The following HSPA14 variants were observed in gnomAD, a reference collection of about 807,000 sequenced individuals.
HSPA14 encodes heat shock protein family A (Hsp70) member 14.
A neutral mutation model predicts 65.5 loss-of-function variants in HSPA14; 37 were observed. The ratio of observed to expected loss-of-function variants is 0.56; its 90% CI spans 0.43 to 0.74. The LOEUF (loss-of-function observed/expected upper bound fraction) is 0.74, where lower values mean the gene tolerates loss of function less well. Among genes scored for constraint, HSPA14 ranks in the 30% least tolerant of loss-of-function variants. HSPA14 has a pLI of 0.00. For missense variants in HSPA14, 564 were observed against 607.6 expected (o/e 0.93, Z 0.75); for synonymous variants, 203 against 214.2 (o/e 0.95, Z 0.46).
intron 8 of HSPA14, among the ~76,000 whole-genome samples, 165 bp from the exon 9 acceptor site, chr10:14,853,960 T>C (rs1042884239): frequency 2.6e-5 from 4 of 152,208 alleles, no homozygotes; most frequent in African/African-American, 7.2e-5. Context: ...CCTCAGGTGA[T>C]CTACCCATCT....
intron 12 of HSPA14, among the ~76,000 whole-genome samples, chr10:14,869,048 G>A (rs981291164): frequency 1.3e-5 from 2 of 151,840 alleles, no homozygotes; most frequent in Non-Finnish European, 2.9e-5. Context: ...GGGTTTCACC[G>A]TGTTAGCCAG....
rs529826741 is a variant in HSPA14 at position 14,852,641 on chromosome 10, T to G, written c.734+110T>G. The G allele has an allele frequency of 2.9e-5, 26 of 895,158 alleles. No individual in the cohort carries two copies. In the East Asian group the frequency reaches 6.7e-4, roughly 23 times the overall value. The allele number at this position is 895,158 out of a possible 1,614,324, so 55.5% of individuals were successfully genotyped here. ...TATCCTGCTGCAAAGGAGGATGTGGTTTTTTCATTGCTTGGAAACTGGATA... is the reference window on the plus strand; with the variant it reads ...TATCCTGCTGCAAAGGAGGATGTGGGTTTTTCATTGCTTGGAAACTGGATA... On this transcript the variant is annotated intron_variant, in intron 8 of 13. Transcript: ENST00000378372.
intron 3 of HSPA14, chr10:14,845,598 A>ATTTTT: frequency 1.4e-6 from 1 of 704,602 alleles, no homozygotes; most frequent in African/African-American, 2.0e-5. Context: ...TATTATTATT[A>ATTTTT]TTTTTTTTTT....
In HSPA14 at chr10:14,848,591, A is replaced by C; in HGVS notation, c.222-18A>C. ...CTGATTTTAATACTTAGCTATCTTT[A>C]TCTTTCTTTATGGACAGCTCCAGTG... On this transcript the variant is annotated intron_variant, in intron 3 of 13. Transcript: ENST00000378372. 1.3e-6 allele frequency: 2 copies of C among 1,593,440 alleles called. No homozygotes were observed. The highest frequency in any genetic ancestry group is 1.7e-6 in the Non-Finnish European group (2 of 1,163,596).
intron 10 of HSPA14, among the ~76,000 whole-genome samples, chr10:14,857,660 T>G (rs977997822): frequency 1.3e-5 from 2 of 152,234 alleles, no homozygotes; most frequent in Non-Finnish European, 2.9e-5. Context: ...TGCACAGCAG[T>G]CTTCCTTTGA....
intron 3 of HSPA14, chr10:14,845,690 T>G (rs1012272024): frequency 1.0e-4 from 25 of 242,016 alleles, no homozygotes; most frequent in Non-Finnish European, 1.7e-4. Context: ...GCCTCCCGAG[T>G]AGCCGGGATT....
At chr10:14,858,380 T>G (rs1832725313) in intron 10 of HSPA14, among the ~76,000 whole-genome samples, 1 of 152,206 alleles carries the variant, frequency 6.6e-6, no homozygotes, top group East Asian at 1.9e-4. Flanking sequence ...CTTCAGATGT[T>G]TCTAAGACAC....
intron 10 of HSPA14, 79 bp downstream of exon 10, chr10:14,856,022 A>G (rs2131642802): frequency 1.3e-6 from 1 of 784,946 alleles, no homozygotes; most frequent in Non-Finnish European, 2.2e-6. Context: ...TGGGTACTGA[A>G]AGAATATTTT....
chr10:14,863,694 T>C (rs1271167496), intron 10 of HSPA14, among the ~76,000 whole-genome samples: 1 of 152,146 alleles, frequency 6.6e-6, no homozygotes, highest in Non-Finnish European at 1.5e-5. Context: ...CACCCTCCTC[T>C]TCTTTTTTGC....
intron 9 of HSPA14, among the ~76,000 whole-genome samples, chr10:14,855,462 C>T (rs1564323658): frequency 6.6e-6 from 1 of 152,144 alleles, no homozygotes. Flanking sequence ...ATGGCAGAAA[C>T]TTTCAAATGA....
At chr10:14,846,751 G>A (rs1834060113) in intron 3 of HSPA14, 5 of 985,430 alleles carry the variant, frequency 5.1e-6, no homozygotes, top group Non-Finnish European at 6.0e-6. Flanking sequence ...ACAAGTAGGG[G>A]AAAGACTCTG....
rs1832820574 is a variant in HSPA14 at position 14,867,846 on chromosome 10, G to A, written c.1317G>A (p.Val439=). 2 of 1,614,030 alleles carry A rather than the reference G, an allele frequency of 1.2e-6. No homozygotes were observed. The highest frequency in any genetic ancestry group is 1.7e-5 in the Admixed American group (1 of 59,990). ...AAGCCCCTGGAAGCATATCTTCAGT[G>A]TGCCTTGAACTCTATGAGTCTGATG... ...TLQAPGSISS[V]CLELYESDGK... Residue 439 remains valine (V), a synonymous_variant, in exon 12 of 14, where the codon GTG becomes GTA. Coordinates refer to ENST00000378372, the MANE Select transcript of HSPA14 (RefSeq NM_016299.4).
intron 10 of HSPA14, among the ~76,000 whole-genome samples, chr10:14,859,653 C>T (rs1588816591): frequency 2.0e-5 from 3 of 152,154 alleles, no homozygotes; most frequent in Admixed American, 2.0e-4. Context: ...CTTCATAACA[C>T]CCCTTCTGTA....
At chr10:14,871,112 G>C (rs1191928359) in intron 13 of HSPA14, among the ~76,000 whole-genome samples, 2 of 152,150 alleles carry the variant, frequency 1.3e-5, no homozygotes, top group Non-Finnish European at 2.9e-5. Context: ...TGTATTACAA[G>C]TAAATCCTTT....
chr10:14,861,228 G>T (rs554424995), intron 10 of HSPA14, among the ~76,000 whole-genome samples: 1 of 152,282 alleles, frequency 6.6e-6, no homozygotes, highest in Admixed American at 6.5e-5. Flanking sequence ...AGGAAAATGG[G>T]GTGGTTGAGG....
chr10:14,854,351 CT>C (rs1004475907), intron 9 of HSPA14, 71 bp downstream of exon 9: 57 of 1,293,358 alleles, frequency 4.4e-5, no homozygotes, highest in Non-Finnish European at 5.5e-5. Context: ...AATTTTCTTA[CT>C]TTGGGTTTTT....
chr10:14,841,422 T>G (rs1297862225), intron 3 of HSPA14, among the ~76,000 whole-genome samples: 1 of 152,176 alleles, frequency 6.6e-6, no homozygotes, highest in East Asian at 1.9e-4. Flanking sequence ...GAATTGCAGT[T>G]TCCCATGCTG....
chr10:14,851,050 A>G (rs1327872041), intron 6 of HSPA14, 169 bp from the exon 7 acceptor site: 4 of 560,638 alleles, frequency 7.1e-6, no homozygotes, highest in Non-Finnish European at 1.3e-5. Context: ...GATCTCTTAT[A>G]GTCATTCATT....
intron 10 of HSPA14, among the ~76,000 whole-genome samples, chr10:14,862,379 T>TTC (rs1554766471): frequency 6.8e-6 from 1 of 147,252 alleles, no homozygotes; most frequent in African/African-American, 2.5e-5. Context: ...TTCTTTTCTT[T>TTC]TTTTTTTTTT....
Sources: gnomAD v4.1 joint callset for allele counts (sites outside exome capture counted in the v4.1 genomes callset) on GRCh38, gnomAD v4.1.1 for gene constraint, MANE v1.5 for transcripts, NCBI Gene and HGNC (gene_info 2026-07-23, HGNC 2026-07-21) for gene names.